Variants in HS6ST3 observed in about 807,000 individuals in gnomAD.
HS6ST3 encodes heparan-sulfate 6-O-sulfotransferase 3.
A neutral mutation model predicts 36.7 loss-of-function variants in HS6ST3; 12 were observed. The ratio of observed to expected loss-of-function variants is 0.33; its 90% CI spans 0.21 to 0.53. HS6ST3 has a LOEUF of 0.53. Among genes scored for constraint, HS6ST3 ranks in the 20% least tolerant of loss-of-function variants. The pLI is 0.95. For missense variants in HS6ST3, 584 were observed against 640.9 expected (o/e 0.91, Z 0.96); for synonymous variants, 240 against 257.5 (o/e 0.93, Z 0.65).
chr13:96,322,422 T>C (rs1036086964), intron 1 of HS6ST3, among the ~76,000 whole-genome samples: 1 of 146,226 alleles, frequency 6.8e-6, no homozygotes, highest in East Asian at 2.0e-4. Flanking sequence ...CCAGGTGTGG[T>C]GGTTCACGCC....
chr13:96,800,373 C>T (rs538884223), intron 1 of HS6ST3, among the ~76,000 whole-genome samples: 5 of 151,514 alleles, frequency 3.3e-5, no homozygotes, highest in Non-Finnish European at 7.4e-5. Context: ...CTGTTAAATT[C>T]ATGACTATCC....
intron 1 of HS6ST3, among the ~76,000 whole-genome samples, chr13:96,604,683 G>T (rs904496081): frequency 6.6e-6 from 1 of 152,132 alleles, no homozygotes; most frequent in African/African-American, 2.4e-5. Context: ...ACAATGCCAT[G>T]AATCTAAAAC....
intron 1 of HS6ST3, among the ~76,000 whole-genome samples, chr13:96,312,139 A>C (rs141888791): frequency 9.6e-4 from 146 of 152,270 alleles, no homozygotes; most frequent in African/African-American, 3.4e-3. Context: ...TGGCTTCTTT[A>C]GATTTTGTTC....
intron 1 of HS6ST3, among the ~76,000 whole-genome samples, chr13:96,149,499 C>G (rs1248995016): frequency 6.6e-6 from 1 of 152,198 alleles, no homozygotes; most frequent in Non-Finnish European, 1.5e-5. Flanking sequence ...ATAGATCCCT[C>G]TCAAGTGAGA....
chr13:96,440,660 A>T (rs2055666420), intron 1 of HS6ST3, among the ~76,000 whole-genome samples: 1 of 151,656 alleles, frequency 6.6e-6, no homozygotes, highest in Non-Finnish European at 1.5e-5. Context: ...GAGGGGGGCT[A>T]TGCATGGACA....
intron 1 of HS6ST3, among the ~76,000 whole-genome samples, chr13:96,259,944 A>G (rs1391336424): frequency 6.6e-6 from 1 of 152,138 alleles, no homozygotes; most frequent in African/African-American, 2.4e-5. Context: ...GGTATGTAGC[A>G]ATATTTTTCA....
Position 96,202,170 on chromosome 13 carries a change from A to G in HS6ST3, c.707+110601A>G, listed in dbSNP as rs146614159. Among the ~76,000 whole-genome samples the G allele has an allele frequency of 4.4e-4, 67 of 152,318 alleles. 1 individual carries two copies. The East Asian group carries it at 0.012, about 26-fold the overall frequency. ...TCCTTTTAATGTCTTTTAAAAAATG[A>G]ATTGATCTGACACCAATGAAACTTT... On this transcript the variant is annotated intron_variant, in intron 1 of 1. Transcript: ENST00000376705.
chr13:96,791,710 C>T (rs77687549), intron 1 of HS6ST3, among the ~76,000 whole-genome samples: 10 of 151,966 alleles, frequency 6.6e-5, no homozygotes, highest in Admixed American at 3.3e-4. Context: ...CTTTGTTTGC[C>T]CTTCTCATTT....
chr13:96,681,032 C>G (rs2056716714), intron 1 of HS6ST3, among the ~76,000 whole-genome samples: 1 of 152,102 alleles, frequency 6.6e-6, no homozygotes, highest in South Asian at 2.1e-4. Flanking sequence ...GTTGTTTTTT[C>G]CTAAAATCCT....
intron 1 of HS6ST3, among the ~76,000 whole-genome samples, chr13:96,636,563 G>A (rs977663981): frequency 4.6e-4 from 70 of 152,060 alleles, no homozygotes; most frequent in African/African-American, 1.6e-3. Context: ...AGGCTCCCTT[G>A]GGTCCAGAGC....
intron 1 of HS6ST3, among the ~76,000 whole-genome samples, chr13:96,129,247 G>A (rs1204493410): frequency 6.6e-6 from 1 of 152,230 alleles, no homozygotes; most frequent in Non-Finnish European, 1.5e-5. Flanking sequence ...TGTTGGTGGT[G>A]ATATAGGCAA....
At chr13:96,745,910 A>G (rs1202170876) in intron 1 of HS6ST3, among the ~76,000 whole-genome samples, 1 of 152,018 alleles carries the variant, frequency 6.6e-6, no homozygotes, top group Non-Finnish European at 1.5e-5. Flanking sequence ...AGGCTTTCCC[A>G]TCGCTGCAGA....
intron 1 of HS6ST3, among the ~76,000 whole-genome samples, chr13:96,326,544 A>G (rs2055032922): frequency 6.6e-6 from 1 of 152,048 alleles, no homozygotes; most frequent in Non-Finnish European, 1.5e-5. Flanking sequence ...TCTATGGTGT[A>G]TATGTGCCAC....
At chr13:96,389,136 GA>G (rs1258022684) in intron 1 of HS6ST3, among the ~76,000 whole-genome samples, 1 of 152,118 alleles carries the variant, frequency 6.6e-6, no homozygotes, top group East Asian at 1.9e-4. Context: ...GTATATACTA[GA>G]CTTGCTATAT....
chr13:96,256,680 C>T (rs1270544605), intron 1 of HS6ST3, among the ~76,000 whole-genome samples: 1 of 152,088 alleles, frequency 6.6e-6, no homozygotes, highest in Admixed American at 6.5e-5. Context: ...AGTAGTAGAG[C>T]TGAATTTTAG....
At chr13:96,563,041 C>CAAAAAAAAAA (rs34175542) in intron 1 of HS6ST3, among the ~76,000 whole-genome samples, 1 of 79,406 alleles carries the variant, frequency 1.3e-5, no homozygotes. Context: ...GCAGAAATAG[C>CAAAAAAAAAA]AAAAAAAAAA....
At chr13:96,433,306 A>G (rs148822180) in intron 1 of HS6ST3, among the ~76,000 whole-genome samples, 2 of 152,272 alleles carry the variant, frequency 1.3e-5, no homozygotes, top group African/African-American at 2.4e-5. Flanking sequence ...AGGTATCCCT[A>G]TAAGAAGAGA....
intron 1 of HS6ST3, among the ~76,000 whole-genome samples, chr13:96,737,866 A>G (rs1415009997): frequency 3.9e-5 from 6 of 152,090 alleles, no homozygotes; most frequent in Non-Finnish European, 7.4e-5. Flanking sequence ...TCTTCAAGCC[A>G]GCAGTCACAT....
chr13:96,254,796 C>G (rs903121032), intron 1 of HS6ST3, among the ~76,000 whole-genome samples: 1 of 151,702 alleles, frequency 6.6e-6, no homozygotes, highest in African/African-American at 2.4e-5. Flanking sequence ...GCCTTTTTGC[C>G]TAAAAGGAAA....
Sources: gnomAD v4.1 joint callset for allele counts (sites outside exome capture counted in the v4.1 genomes callset) on GRCh38, gnomAD v4.1.1 for gene constraint, MANE v1.5 for transcripts, NCBI Gene and HGNC (gene_info 2026-07-23, HGNC 2026-07-21) for gene names.